The following TCF12 variants were observed in gnomAD, a reference collection of about 807,000 sequenced individuals.
The protein encoded by TCF12 is transcription factor 12, also known as DNA-binding protein HTF4.
Under a neutral mutation model 86.0 loss-of-function variants are expected in TCF12, and 45 were observed. That is an observed-to-expected ratio of 0.52 (90% confidence interval 0.41 to 0.67). The LOEUF (loss-of-function observed/expected upper bound fraction) is 0.67, where lower values mean the gene tolerates loss of function less well. Among genes scored for constraint, TCF12 ranks in the 30% least tolerant of loss-of-function variants. TCF12 has a pLI of 0.00. For missense variants in TCF12, 881 were observed against 859.9 expected (o/e 1.02, Z -0.31); for synonymous variants, 330 against 299.6 (o/e 1.10, Z -1.05).
At chr15:57,199,341 T>C (rs2057422799) in intron 8 of TCF12, among the ~76,000 whole-genome samples, 1 of 152,188 alleles carries the variant, frequency 6.6e-6, no homozygotes, top group Non-Finnish European at 1.5e-5. Context: ...ACAGTACTGC[T>C]AAAACATGTA....
At chr15:57,105,014 C>A (rs1389758151) in intron 5 of TCF12, among the ~76,000 whole-genome samples, 1 of 151,378 alleles carries the variant, frequency 6.6e-6, no homozygotes, top group Non-Finnish European at 1.5e-5. Flanking sequence ...GCTGGGATTA[C>A]AGGTGCCCAC....
At chr15:57,258,099 A>G (rs2733329) in intron 16 of TCF12, among the ~76,000 whole-genome samples, 29,900 of 152,078 alleles carry the variant, frequency 0.2, 3,325 homozygotes, top group Non-Finnish European at 0.25. Context: ...TAGGAGTTCA[A>G]GACCAGCCTG....
At chr15:57,158,100 G>A (rs1490682729) in intron 5 of TCF12, among the ~76,000 whole-genome samples, 1 of 152,010 alleles carries the variant, frequency 6.6e-6, no homozygotes, top group Non-Finnish European at 1.5e-5. Context: ...GAGAGAAGTG[G>A]AGAGCATGAG....
intron 3 of TCF12, among the ~76,000 whole-genome samples, chr15:56,983,729 G>C (rs893427284): frequency 6.6e-6 from 1 of 151,842 alleles, no homozygotes; most frequent in South Asian, 2.1e-4. Flanking sequence ...GGCTAGGCAC[G>C]GTGGCTCAAA....
rs151037774 is a variant in TCF12, at chr15:56,974,478, A to G, written c.148+53380A>G. 3.7e-3 allele frequency among the ~76,000 whole-genome samples: 556 copies of G among 152,236 alleles called. 3 individuals carry two copies. Among genetic ancestry groups the G allele is most frequent in the Middle Eastern group, 0.01 (3 of 294 alleles). Reference sequence around the variant, plus strand: ...ATGTCAAAATAAAATTTTAAAAATAAAAAGATACTTTACAGAAGGTTTAAT... The same window carrying G: ...ATGTCAAAATAAAATTTTAAAAATAGAAAGATACTTTACAGAAGGTTTAAT... On this transcript the variant is annotated intron_variant, in intron 3 of 20. Transcript: ENST00000333725.
intron 5 of TCF12, among the ~76,000 whole-genome samples, chr15:57,126,521 A>G (rs2051664204): frequency 6.6e-6 from 1 of 152,142 alleles, no homozygotes; most frequent in Non-Finnish European, 1.5e-5. Context: ...TTTAAGAAAC[A>G]AAAAACTAAA....
chr15:56,952,615 A>G (rs1255333279), intron 3 of TCF12, among the ~76,000 whole-genome samples: 2 of 152,072 alleles, frequency 1.3e-5, no homozygotes, highest in Non-Finnish European at 2.9e-5. Flanking sequence ...TGTCAGATAT[A>G]TCTCTGTTTC....
intron 4 of TCF12, among the ~76,000 whole-genome samples, chr15:57,076,386 G>T (rs755965460): frequency 1.2e-4 from 18 of 151,962 alleles, no homozygotes; most frequent in Non-Finnish European, 2.5e-4. Context: ...GGCCGGGCAC[G>T]GTGGCTCACA....
chr15:57,166,260 A>G (rs985044659), intron 5 of TCF12, 142 bp from the exon 6 acceptor site: 6 of 652,432 alleles, frequency 9.2e-6, no homozygotes, highest in Admixed American at 3.4e-5. Flanking sequence ...AAGTTTTACA[A>G]ATTATTGAAT....
intron 18 of TCF12, among the ~76,000 whole-genome samples, chr15:57,269,601 G>T (rs1457909146): frequency 6.6e-6 from 1 of 151,966 alleles, no homozygotes; most frequent in Non-Finnish European, 1.5e-5. Context: ...CTGTCATTAT[G>T]ATGCTACTGG....
intron 3 of TCF12, among the ~76,000 whole-genome samples, chr15:57,044,855 G>T (rs528357159): frequency 6.6e-6 from 1 of 152,180 alleles, no homozygotes; most frequent in African/African-American, 2.4e-5. Context: ...GGACATTTTG[G>T]GAGAAAACCT....
At chr15:57,038,787 T>A (rs1567300293) in intron 3 of TCF12, among the ~76,000 whole-genome samples, 2 of 152,194 alleles carry the variant, frequency 1.3e-5, no homozygotes. Flanking sequence ...GATCTGCATT[T>A]TTCTTTAGCT....
At chr15:57,127,801 T>C (rs1485289584) in intron 5 of TCF12, among the ~76,000 whole-genome samples, 1 of 152,132 alleles carries the variant, frequency 6.6e-6, no homozygotes, top group African/African-American at 2.4e-5. Flanking sequence ...GATGAGTTAA[T>C]TGGCATGTAG....
intron 4 of TCF12, among the ~76,000 whole-genome samples, chr15:57,088,891 T>C (rs2048814949): frequency 6.6e-6 from 1 of 152,158 alleles, no homozygotes; most frequent in African/African-American, 2.4e-5. Context: ...CTACAACTGA[T>C]TTTAAACATA....
chr15:57,069,093 T>C (rs559326371), intron 4 of TCF12, among the ~76,000 whole-genome samples: 1 of 152,304 alleles, frequency 6.6e-6, no homozygotes, highest in African/African-American at 2.4e-5. Context: ...TTAGCCAACC[T>C]ACGCCAAGCT....
chr15:57,268,302 G>C (rs768807955), intron 18 of TCF12, among the ~76,000 whole-genome samples: 1 of 152,136 alleles, frequency 6.6e-6, no homozygotes, highest in Non-Finnish European at 1.5e-5. Context: ...CACTGGGCTC[G>C]ATGATCTTTA....
At chr15:57,155,155 A>C (rs559968731) in intron 5 of TCF12, among the ~76,000 whole-genome samples, 2 of 152,162 alleles carry the variant, frequency 1.3e-5, no homozygotes, top group East Asian at 1.9e-4. Flanking sequence ...CCTTCTCTCT[A>C]ATTTACTGTT....
In TCF12 at chr15:57,119,599, A is replaced by T. The variant is rs548199022; in HGVS notation, c.325+27708A>T. 2.0e-5 allele frequency among the ~76,000 whole-genome samples: 3 copies of T among 151,740 alleles called. No homozygotes were observed. The South Asian group carries it at 6.3e-4, about 32-fold the overall frequency. On this transcript the variant is annotated intron_variant, in intron 5 of 20. Transcript: ENST00000333725. ...CCTTGTGTTATTTGGAAACAAAATT[A>T]AGAAATAGAGTCTCTTTTCTTCCTC... is the stretch of plus-strand genomic sequence containing the variant.
chr15:57,135,762 A>C (rs2052474329), intron 5 of TCF12, among the ~76,000 whole-genome samples: 1 of 152,214 alleles, frequency 6.6e-6, no homozygotes, highest in African/African-American at 2.4e-5. Context: ...TTTTATATGT[A>C]TCCCTGTGAA....
Sources: gnomAD v4.1 joint callset for allele counts (sites outside exome capture counted in the v4.1 genomes callset) on GRCh38, gnomAD v4.1.1 for gene constraint, MANE v1.5 for transcripts, NCBI Gene and HGNC (gene_info 2026-07-23, HGNC 2026-07-21) for gene names.